ADAM12: variants seen among roughly 807,000 people sequenced by gnomAD.
ADAM12 encodes the protein ADAM metallopeptidase domain 12, also known as disintegrin and metalloproteinase domain-containing protein 12.
A neutral mutation model predicts 106.4 loss-of-function variants in ADAM12; 70 were observed. The observed-to-expected ratio is 0.66, with a 90% CI of 0.54 to 0.80. ADAM12 has a LOEUF of 0.80. ADAM12 is among the 30% of genes least tolerant of loss of function. The probability of loss-of-function intolerance (pLI) is 0.00; values close to 1 mark genes in which losing one functional copy is unlikely to be tolerated. For missense variants in ADAM12, 1,010 were observed against 1,171.9 expected (o/e 0.86, Z 2.02); for synonymous variants, 420 against 433.5 (o/e 0.97, Z 0.39).
In ADAM12 at chr10:126,049,181, A is replaced by G. The variant is rs1343731455; in HGVS notation, c.1917+72T>C. 1.9e-6 allele frequency: 3 copies of G among 1,583,280 alleles called. No individual in the cohort carries two copies. The East Asian group carries it at 6.7e-5, about 36-fold the overall frequency. ...GGAAAACCAACAAACCTTGTAACCC[A>G]GTTCTTGCTGTTTTTCAATGGGCCC... On this transcript the variant is annotated intron_variant, in intron 16 of 22. Transcript: ENST00000448723. The surrounding 1 kb of genome is among the most constrained non-coding windows in gnomAD (Gnocchi z 4.4).
intron 16 of ADAM12, among the ~76,000 whole-genome samples, chr10:126,047,819 T>G (rs540241345): frequency 6.6e-6 from 1 of 152,196 alleles, no homozygotes; most frequent in Admixed American, 6.6e-5. Context: ...TATAAATCAT[T>G]CTATCATAAA....
intron 3 of ADAM12, among the ~76,000 whole-genome samples, chr10:126,250,838 AT>A (rs1371945994): frequency 6.6e-6 from 1 of 152,158 alleles, no homozygotes; most frequent in Non-Finnish European, 1.5e-5. Flanking sequence ...CGTATTTCTA[AT>A]TTTTATTACA....
At position 126,279,314 on chromosome 10, in the gene ADAM12, C is replaced by T. The variant is rs533204402; in HGVS notation, c.187-326G>A. 2.2e-4 allele frequency among the ~76,000 whole-genome samples: 34 copies of T among 152,028 alleles called. No individual in the cohort carries two copies. The East Asian group carries it at 4.6e-3, about 21-fold the overall frequency. ...AGGGGTGGTAGTTTGTGCCTGTGGT[C>T]CTAGCTACTTGGGTGGCTGAGGCGA... On this transcript the variant is annotated intron_variant, in intron 2 of 22. Coordinates refer to ENST00000448723, the MANE Select transcript of ADAM12 (RefSeq NM_001288973.2).
chr10:126,051,536 C>CCAG (rs1954490578), intron 14 of ADAM12, among the ~76,000 whole-genome samples: 433 of 118,944 alleles, frequency 3.6e-3, no homozygotes, highest in African/African-American at 4.5e-3. Flanking sequence ...CAGCCAGCCA[C>CCAG]CCATCCATCC....
chr10:126,033,559 A>G (rs1954006711), intron 21 of ADAM12, among the ~76,000 whole-genome samples: 1 of 152,200 alleles, frequency 6.6e-6, no homozygotes. Flanking sequence ...ATCTTGAGCC[A>G]AAAGACTAGA....
chr10:126,314,717 A>G (rs2133822912), intron 2 of ADAM12, among the ~76,000 whole-genome samples: 1 of 152,344 alleles, frequency 6.6e-6, no homozygotes, highest in East Asian at 1.9e-4. Context: ...TCAGAATTGA[A>G]GTCAAGCCCC....
chr10:126,246,271 G>A (rs1398592949), intron 3 of ADAM12, among the ~76,000 whole-genome samples: 1 of 152,182 alleles, frequency 6.6e-6, no homozygotes, highest in African/African-American at 2.4e-5. Context: ...GTAAAGTTAT[G>A]AGTAATTACT....
chr10:126,187,910 C>T (rs1444987735), intron 3 of ADAM12, among the ~76,000 whole-genome samples: 1 of 152,208 alleles, frequency 6.6e-6, no homozygotes, highest in South Asian at 2.1e-4. Flanking sequence ...CCTGACATTC[C>T]TGCAGATGAC....
chr10:126,131,277 A>G (rs1284774210), intron 5 of ADAM12, among the ~76,000 whole-genome samples: 1 of 151,856 alleles, frequency 6.6e-6, no homozygotes, highest in African/African-American at 2.4e-5. Flanking sequence ...CCCCACTGAC[A>G]ACTCTGATTG....
At chr10:126,207,864 A>G (rs1431899585) in intron 3 of ADAM12, among the ~76,000 whole-genome samples, 2 of 152,350 alleles carry the variant, frequency 1.3e-5, no homozygotes, top group African/African-American at 2.4e-5. Flanking sequence ...TGATAAGATT[A>G]CAAAAATATA....
chr10:126,327,142 A>G (rs1854333306), intron 2 of ADAM12, among the ~76,000 whole-genome samples: 1 of 152,192 alleles, frequency 6.6e-6, no homozygotes, highest in African/African-American at 2.4e-5. Flanking sequence ...CCCCGGAGCC[A>G]TGGCGTGGGG....
At chr10:126,060,737 G>A (rs140760053) in intron 14 of ADAM12, among the ~76,000 whole-genome samples, 8 of 152,300 alleles carry the variant, frequency 5.3e-5, no homozygotes, top group East Asian at 3.9e-4. Flanking sequence ...GCATTTGTCC[G>A]GGATCCATGC....
intron 2 of ADAM12, among the ~76,000 whole-genome samples, chr10:126,279,876 G>T (rs1959479906): frequency 6.6e-6 from 1 of 152,230 alleles, no homozygotes; most frequent in Admixed American, 6.5e-5. Flanking sequence ...GCTGAGACAT[G>T]ATCACCACCA....
chr10:126,082,432 G>A (rs138373810), intron 11 of ADAM12, among the ~76,000 whole-genome samples: 9 of 146,436 alleles, frequency 6.1e-5, no homozygotes, highest in Admixed American at 4.9e-4. Context: ...TCAGTGGTGC[G>A]ATCTCGGCTC....
chr10:126,320,049 G>A (rs963837566), intron 2 of ADAM12, among the ~76,000 whole-genome samples: 3 of 152,150 alleles, frequency 2.0e-5, no homozygotes, highest in African/African-American at 7.2e-5. Context: ...GGAAGGGGAC[G>A]AAAACCTTCG....
Position 126,106,883 on chromosome 10 carries a change from T to C in ADAM12, c.741+1710A>G, listed in dbSNP as rs1355461152. Among the ~76,000 whole-genome samples, 8 of 150,976 alleles carry C rather than the reference T, an allele frequency of 5.3e-5. No individual in the cohort carries two copies. The East Asian group carries it at 1.7e-3, about 33-fold the overall frequency. ...CTGCAGGAATATTTTTCTACTATCA[T>C]GTGTGTCTCTCCCCTGCTTAAAAAC... On this transcript the variant is annotated intron_variant, in intron 8 of 22. Coordinates refer to ENST00000448723, the MANE Select transcript of ADAM12 (RefSeq NM_001288973.2).
At chr10:126,327,644 G>A (rs535923309) in intron 2 of ADAM12, among the ~76,000 whole-genome samples, 183 of 149,500 alleles carry the variant, frequency 1.2e-3, no homozygotes, top group Non-Finnish European at 2.3e-3. Context: ...ATAATAATAC[G>A]AAGAAATCAA....
At chr10:126,198,835 C>T (rs1957646107) in intron 3 of ADAM12, among the ~76,000 whole-genome samples, 1 of 152,162 alleles carries the variant, frequency 6.6e-6, no homozygotes, top group Non-Finnish European at 1.5e-5. Flanking sequence ...CTGCCAAATT[C>T]CTGGCACTTT....
rs138507140 is a variant in ADAM12 at position 126,321,026 on chromosome 10, G to A, written c.186+9386C>T. On this transcript the variant is annotated intron_variant, in intron 2 of 22. Transcript: ENST00000448723. ...ACAGTCTGTGAGCTTCTCAAGGGCA[G>A]GATTGGGTCCCATTCATCCTTGCTT... is the stretch of plus-strand genomic sequence containing the variant. 5.1e-3 allele frequency among the ~76,000 whole-genome samples: 782 copies of A among 152,260 alleles called. 11 individuals carry two copies. Among genetic ancestry groups the A allele is most frequent in the African/African-American group, 0.018 (746 of 41,546 alleles).
Sources: gnomAD v4.1 joint callset for allele counts (sites outside exome capture counted in the v4.1 genomes callset) on GRCh38, gnomAD v4.1.1 for gene constraint, Gnocchi (gnomAD v3.1) non-coding constraint, MANE v1.5 for transcripts, NCBI Gene and HGNC (gene_info 2026-07-23, HGNC 2026-07-21) for gene names.